Variants in DLEU7 observed in about 807,000 individuals in gnomAD.
DLEU7 encodes the protein leukemia-associated protein 7.
In DLEU7, 17 loss-of-function variants were observed where a neutral mutation model predicts 16.0. That is an observed-to-expected ratio of 1.06 (90% confidence interval 0.73 to 1.59). The LOEUF is 1.59. DLEU7 is among the 40% of genes most tolerant of loss of function. The pLI is 0.00. For missense variants in DLEU7, 308 were observed against 314.9 expected (o/e 0.98, Z 0.17); for synonymous variants, 113 against 139.8 (o/e 0.81, Z 1.35).
At chr13:50,723,442 AC>A (rs1366378280) in intron 1 of DLEU7, among the ~76,000 whole-genome samples, 1 of 151,230 alleles carries the variant, frequency 6.6e-6, no homozygotes, top group Non-Finnish European at 1.5e-5. Context: ...ACACACACAC[AC>A]ACGTATTGGT....
intron 1 of DLEU7, among the ~76,000 whole-genome samples, chr13:50,816,348 T>C (rs1876733954): frequency 6.6e-6 from 1 of 152,130 alleles, no homozygotes; most frequent in African/African-American, 2.4e-5. Context: ...TATACACTCA[T>C]ATACTTCCAT....
At chr13:50,746,965 AC>A (rs1420802777) in intron 1 of DLEU7, among the ~76,000 whole-genome samples, 1 of 151,916 alleles carries the variant, frequency 6.6e-6, no homozygotes, top group African/African-American at 2.4e-5. Flanking sequence ...ACACACACAC[AC>A]ACACATGTAT....
chr13:50,754,519 A>T (rs1370192976), intron 1 of DLEU7, among the ~76,000 whole-genome samples: 1 of 152,232 alleles, frequency 6.6e-6, no homozygotes, highest in Non-Finnish European at 1.5e-5. Flanking sequence ...GTCCATTTGC[A>T]TAAAATGCCT....
chr13:50,816,313 A>C (rs1457148498), intron 1 of DLEU7, among the ~76,000 whole-genome samples: 3 of 152,170 alleles, frequency 2.0e-5, no homozygotes, highest in Non-Finnish European at 4.4e-5. Context: ...AATTAATGCA[A>C]TGTGAGTGTA....
chr13:50,751,894 C>G (rs984478892), intron 1 of DLEU7, among the ~76,000 whole-genome samples: 10 of 137,060 alleles, frequency 7.3e-5, no homozygotes, highest in African/African-American at 3.0e-4. Flanking sequence ...CTTTTTGTTT[C>G]ATTTATCTTT....
intron 1 of DLEU7, among the ~76,000 whole-genome samples, chr13:50,733,606 T>C (rs1873981158): frequency 6.6e-6 from 1 of 152,070 alleles, no homozygotes; most frequent in African/African-American, 2.4e-5. Flanking sequence ...GTCCCCTACC[T>C]GCCCACACCC....
chr13:50,822,687 A>G (rs558743749), downstream of DLEU7: 2 of 985,250 alleles, frequency 2.0e-6, no homozygotes, highest in South Asian at 4.7e-5. Context: ...CATGATTGGT[A>G]CTTCATAGCT....
intron 1 of DLEU7, among the ~76,000 whole-genome samples, chr13:50,720,107 T>C (rs569708245): frequency 1.3e-5 from 2 of 152,308 alleles, no homozygotes; most frequent in African/African-American, 4.8e-5. Flanking sequence ...TTCCTCCTCC[T>C]GGGATGGCAG....
At chr13:50,755,878 G>T (rs1371888051) in intron 1 of DLEU7, among the ~76,000 whole-genome samples, 2 of 152,158 alleles carry the variant, frequency 1.3e-5, no homozygotes, top group Non-Finnish European at 2.9e-5. Flanking sequence ...GAAGGCTGTT[G>T]TTCAGATTCT....
intron 1 of DLEU7, among the ~76,000 whole-genome samples, chr13:50,839,017 C>A (rs983885874): frequency 1.3e-5 from 2 of 152,166 alleles, no homozygotes; most frequent in Admixed American, 6.5e-5. Flanking sequence ...ATTTAAGTCA[C>A]CCCGTCTTTG....
intron 1 of DLEU7, among the ~76,000 whole-genome samples, chr13:50,762,340 A>G (rs1039545158): frequency 6.6e-6 from 1 of 152,176 alleles, no homozygotes; most frequent in Non-Finnish European, 1.5e-5. Flanking sequence ...GATTTTAGCC[A>G]GGATGCTGAC....
At chr13:50,733,901 C>G (rs1873990669) in intron 1 of DLEU7, among the ~76,000 whole-genome samples, 1 of 152,070 alleles carries the variant, frequency 6.6e-6, no homozygotes, top group South Asian at 2.1e-4. Context: ...CTTAACATCA[C>G]CTAAGTAGCA....
intron 1 of DLEU7, among the ~76,000 whole-genome samples, chr13:50,841,197 A>G (rs1877647262): frequency 6.6e-6 from 1 of 151,952 alleles, no homozygotes; most frequent in African/African-American, 2.4e-5. Flanking sequence ...TTGCAAGACA[A>G]TCCAAGGTCC....
chr13:50,826,235 T>G (rs1367638261), intron 1 of DLEU7, among the ~76,000 whole-genome samples: 3 of 152,126 alleles, frequency 2.0e-5, no homozygotes, highest in Non-Finnish European at 4.4e-5. Context: ...TATCTCCTAC[T>G]GTGCGGTGTG....
chr13:50,838,526 G>T (rs1381732541), intron 1 of DLEU7, among the ~76,000 whole-genome samples: 1 of 152,182 alleles, frequency 6.6e-6, no homozygotes, highest in African/African-American at 2.4e-5. Context: ...CTGGTGTCCT[G>T]CACACTTCTA....
At chr13:50,739,697 T>A (rs2137724074) in intron 1 of DLEU7, among the ~76,000 whole-genome samples, 1 of 152,234 alleles carries the variant, frequency 6.6e-6, no homozygotes, top group South Asian at 2.1e-4. Flanking sequence ...ACCAGCCATA[T>A]CTCTAATTAA....
chr13:50,730,548 G>C (rs1873885626), intron 1 of DLEU7, among the ~76,000 whole-genome samples: 1 of 152,140 alleles, frequency 6.6e-6, no homozygotes, highest in African/African-American at 2.4e-5. Flanking sequence ...GCTTCCTCTA[G>C]ATTCTGCTGA....
chr13:50,762,867 A>G (rs1293392190), intron 1 of DLEU7, among the ~76,000 whole-genome samples: 1 of 151,944 alleles, frequency 6.6e-6, no homozygotes, highest in African/African-American at 2.4e-5. Context: ...CATCCAGGAA[A>G]GATCTGCATC....
intron 1 of DLEU7, among the ~76,000 whole-genome samples, chr13:50,776,637 A>G (rs543686587): frequency 2.2e-4 from 33 of 152,270 alleles, no homozygotes; most frequent in Non-Finnish European, 4.3e-4. Context: ...ACAGGAAACT[A>G]CCTCACCCCC....
Sources: gnomAD v4.1 joint callset for allele counts (sites outside exome capture counted in the v4.1 genomes callset) on GRCh38, gnomAD v4.1.1 for gene constraint, MANE v1.5 for transcripts, NCBI Gene and HGNC (gene_info 2026-07-23, HGNC 2026-07-21) for gene names.